PTP4A3: variants seen among roughly 807,000 people sequenced by gnomAD.
The protein encoded by PTP4A3 is protein tyrosine phosphatase 4A3.
Under a neutral mutation model 15.2 loss-of-function variants are expected in PTP4A3, and 9 were observed. That is an observed-to-expected ratio of 0.59 (90% CI 0.36 to 1.03). The LOEUF (loss-of-function observed/expected upper bound fraction) is 1.03. PTP4A3 is among the 50% of genes least tolerant of loss of function. PTP4A3 has a pLI of 0.02. For synonymous variants in PTP4A3, 95 were observed against 102.0 expected, an observed-to-expected ratio of 0.93 and a Z score of 0.41; for missense variants, 234 against 252.1, an observed-to-expected ratio of 0.93 and a Z score of 0.49.
At chr8:141,401,044 TGACGGAACGG>T (rs1326703812) in intron 1 of PTP4A3, among the ~76,000 whole-genome samples, 3 of 152,078 alleles carry the variant, frequency 2.0e-5, no homozygotes, top group African/African-American at 7.2e-5. Flanking sequence ...ACCCAGGACC[TGACGGAACGG>T]CATCACTCTT....
intron 1 of PTP4A3, among the ~76,000 whole-genome samples, chr8:141,402,846 C>T (rs2129854633): frequency 6.6e-6 from 1 of 152,300 alleles, no homozygotes; most frequent in Non-Finnish European, 1.5e-5. Context: ...GCATCCCCAG[C>T]CTCCCCTGAA....
chr8:141,430,849 G>C, intron 5 of PTP4A3, 78 bp from the exon 6 acceptor site: 1 of 1,434,990 alleles, frequency 7.0e-7, no homozygotes, highest in Non-Finnish European at 9.8e-7. Flanking sequence ...TGCACTCTCA[G>C]ATTCCAGCTC....
In PTP4A3 at chr8:141,430,975, A is replaced by G. The variant is rs1261337579; in HGVS notation, c.453A>G (p.Lys151=). Residue 151 remains lysine (K), a synonymous_variant, in exon 6 of 6, where the codon AAA becomes AAG. Coordinates refer to ENST00000521578, the MANE Select transcript of PTP4A3 (RefSeq NM_032611.3). ...GCAAGCAGCTCACCTACCTGGAGAA[A>G]TACCGGCCCAAACAGAGGCTGCGGT... ...INSKQLTYLE[K]YRPKQRLRFK... 6.2e-7 allele frequency: 1 copy of G among 1,613,266 alleles called. No individual in the cohort carries two copies. Among genetic ancestry groups the G allele is most frequent in the Non-Finnish European group, 8.5e-7 (1 of 1,179,986 alleles).
At chr8:141,401,372 G>A (rs1832585441) in intron 1 of PTP4A3, among the ~76,000 whole-genome samples, 1 of 152,174 alleles carries the variant, frequency 6.6e-6, no homozygotes, top group South Asian at 2.1e-4. Context: ...TGGAGGGGAG[G>A]GCACTGGGTT....
chr8:141,404,553 G>A (rs929597067), intron 1 of PTP4A3, among the ~76,000 whole-genome samples: 2 of 152,278 alleles, frequency 1.3e-5, no homozygotes, highest in East Asian at 1.9e-4. Context: ...TGCACCCACA[G>A]TATAGCCATG....
chr8:141,418,265 C>A (rs899127056), intron 1 of PTP4A3, among the ~76,000 whole-genome samples: 1 of 152,230 alleles, frequency 6.6e-6, no homozygotes, highest in African/African-American at 2.4e-5. Flanking sequence ...CTCCAGCCTC[C>A]TCCCCCAAAA....
intron 5 of PTP4A3, among the ~76,000 whole-genome samples, chr8:141,429,053 A>G (rs1833721838): frequency 6.6e-6 from 1 of 152,214 alleles, no homozygotes; most frequent in African/African-American, 2.4e-5. Context: ...GCTGGTCAGG[A>G]CAGGTTGGGC....
chr8:141,432,410 C>G lies in PTP4A3; in HGVS notation c.*1366C>G, dbSNP rs1158342273. 6.6e-6 allele frequency: 1 copy of G among 152,236 alleles called. No individual in the cohort carries two copies. The highest frequency in any genetic ancestry group is 1.9e-4 in the East Asian group (1 of 5,194). The allele number at this position is 152,236 out of a possible 1,614,324, so 9.4% of individuals were successfully genotyped here. On this transcript the variant is annotated 3_prime_UTR_variant, in exon 6 of 6. Transcript: ENST00000521578. ...CCGGATGGTTATTCTCTCCTTTCCT[C>G]AAACACATTTGGAACTCAAGTAAAT...
chr8:141,428,254 C>T (rs1833679525), intron 5 of PTP4A3, among the ~76,000 whole-genome samples: 1 of 152,076 alleles, frequency 6.6e-6, no homozygotes, highest in Non-Finnish European at 1.5e-5. Context: ...TCTAGCTGCT[C>T]ACCACCCCTC....
chr8:141,424,310 G>C (rs1419927360), intron 2 of PTP4A3, among the ~76,000 whole-genome samples: 1 of 152,168 alleles, frequency 6.6e-6, no homozygotes, highest in Non-Finnish European at 1.5e-5. Context: ...CTCCGCAGTG[G>C]GGGTATAACT....
At chr8:141,415,509 G>C (rs1586551142) in intron 1 of PTP4A3, among the ~76,000 whole-genome samples, 1 of 150,098 alleles carries the variant, frequency 6.7e-6, no homozygotes, top group Non-Finnish European at 1.5e-5. Flanking sequence ...CTGCGGCCCC[G>C]GTCCCTATTC....
intron 1 of PTP4A3, among the ~76,000 whole-genome samples, chr8:141,404,634 G>A (rs1382045478): frequency 1.3e-5 from 2 of 152,220 alleles, no homozygotes; most frequent in African/African-American, 2.4e-5. Flanking sequence ...TGGATGGACA[G>A]AATGGACGGG....
intron 1 of PTP4A3, among the ~76,000 whole-genome samples, chr8:141,412,430 G>A (rs13251294): frequency 0.37 from 56,786 of 152,076 alleles, 12,932 homozygotes; most frequent in African/African-American, 0.63. Flanking sequence ...TGGGTGGGGT[G>A]TGAGTCTGCT....
chr8:141,424,361 G>A lies in PTP4A3; in HGVS notation c.106-687G>A, dbSNP rs1470792280. ...AACTACCACCACCTTTTCCCTGGTC[G>A]TGTGGGGCTTCCCTGCTGGCGTACA... On this transcript the variant is annotated intron_variant, in intron 2 of 5. Transcript: ENST00000521578. 2.0e-5 allele frequency among the ~76,000 whole-genome samples: 3 copies of A among 152,144 alleles called. No individual in the cohort carries two copies. The East Asian group carries it at 5.8e-4, about 29-fold the overall frequency.
intron 5 of PTP4A3, among the ~76,000 whole-genome samples, chr8:141,428,671 C>T (rs895021776): frequency 2.6e-5 from 4 of 152,146 alleles, no homozygotes; most frequent in Non-Finnish European, 4.4e-5. Flanking sequence ...TGTGCGAGAG[C>T]GTGGCCTGCA....
chr8:141,422,246 T>A lies in PTP4A3; in HGVS notation c.6T>A (p.Ala2=). ...CGGGCCCGTCGGGAGGCGCCATGGCTCGGATGAACCGCCCGGCCCCGGTGG... is the reference window on the plus strand; with the variant it reads ...CGGGCCCGTCGGGAGGCGCCATGGCACGGATGAACCGCCCGGCCCCGGTGG... M[A]RMNRPAPVEV... Residue 2 remains alanine (A), a synonymous_variant, in exon 2 of 6, where the codon GCT becomes GCA. Coordinates refer to ENST00000521578, the MANE Select transcript of PTP4A3 (RefSeq NM_032611.3). 1 of 1,612,942 alleles carries A rather than the reference T, an allele frequency of 6.2e-7. No individual in the cohort carries two copies. The highest frequency in any genetic ancestry group is 8.5e-7 in the Non-Finnish European group (1 of 1,179,990).
intron 1 of PTP4A3, among the ~76,000 whole-genome samples, chr8:141,415,009 G>A (rs1337929155): frequency 1.3e-5 from 2 of 150,550 alleles, no homozygotes; most frequent in South Asian, 2.1e-4. Context: ...TGGGGGTTGG[G>A]TGTGGGTGGC....
At chr8:141,423,374 A>C (rs1054593514) in intron 2 of PTP4A3, among the ~76,000 whole-genome samples, 1 of 152,230 alleles carries the variant, frequency 6.6e-6, no homozygotes, top group African/African-American at 2.4e-5. Context: ...AGGCCTCAGA[A>C]TATGACTGGG....
At chr8:141,418,717 T>C (rs1418091907) in intron 1 of PTP4A3, among the ~76,000 whole-genome samples, 1 of 152,058 alleles carries the variant, frequency 6.6e-6, no homozygotes, top group Non-Finnish European at 1.5e-5. Flanking sequence ...GTGGGGGTGG[T>C]AGCGACTCAG....
Sources: gnomAD v4.1 joint callset for allele counts (sites outside exome capture counted in the v4.1 genomes callset) on GRCh38, gnomAD v4.1.1 for gene constraint, MANE v1.5 for transcripts, NCBI Gene and HGNC (gene_info 2026-07-23, HGNC 2026-07-21) for gene names.